The following NRXN1 variants were observed in gnomAD, a reference collection of about 807,000 sequenced individuals.
NRXN1 encodes the protein neurexin-1.
A neutral mutation model predicts 150.9 loss-of-function variants in NRXN1; 39 were observed. The ratio of observed to expected loss-of-function variants is 0.26; its 90% CI spans 0.20 to 0.34. The LOEUF (loss-of-function observed/expected upper bound fraction) is 0.34. Ranked by LOEUF, NRXN1 falls within the 10% of genes least tolerant of loss-of-function variation. NRXN1 has a pLI of 1.00. For missense variants in NRXN1, 1,815 were observed against 1,949.9 expected (o/e 0.93, Z 1.30); for synonymous variants, 924 against 757.0 (o/e 1.22, Z -3.62).
chr2:50,176,981 G>C (rs2060392016), intron 18 of NRXN1, among the ~76,000 whole-genome samples: 1 of 152,144 alleles, frequency 6.6e-6, no homozygotes, highest in Non-Finnish European at 1.5e-5. Context: ...AAAAGAAACA[G>C]TGGGAAAAAA....
At chr2:50,915,729 A>G (rs1372775376) in intron 5 of NRXN1, among the ~76,000 whole-genome samples, 1 of 151,354 alleles carries the variant, frequency 6.6e-6, no homozygotes, top group Non-Finnish European at 1.5e-5. Flanking sequence ...GGCAGATTAC[A>G]GATCAATCGT....
At chr2:50,899,128 G>T (rs1377354215) in intron 5 of NRXN1, among the ~76,000 whole-genome samples, 2 of 152,042 alleles carry the variant, frequency 1.3e-5, no homozygotes, top group Non-Finnish European at 2.9e-5. Flanking sequence ...TAAAATAAAT[G>T]AACGATATTC....
At chr2:50,779,538 G>A (rs370119745) in intron 5 of NRXN1, among the ~76,000 whole-genome samples, 1 of 152,166 alleles carries the variant, frequency 6.6e-6, no homozygotes, top group East Asian at 1.9e-4. Flanking sequence ...GGAGGCCAAG[G>A]CGGGTGGATC....
intron 18 of NRXN1, among the ~76,000 whole-genome samples, chr2:50,168,288 G>T (rs1281228662): frequency 6.6e-6 from 1 of 152,110 alleles, no homozygotes; most frequent in Non-Finnish European, 1.5e-5. Context: ...TGGCACAGTA[G>T]CATATTTTAG....
At chr2:50,259,368 T>C (rs2068026578) in intron 17 of NRXN1, among the ~76,000 whole-genome samples, 4 of 151,878 alleles carry the variant, frequency 2.6e-5, no homozygotes, top group Non-Finnish European at 4.4e-5. Context: ...TTCACTCAGA[T>C]AGGAAACATC....
chr2:50,449,981 T>C (rs2086811126), intron 17 of NRXN1, among the ~76,000 whole-genome samples: 1 of 152,238 alleles, frequency 6.6e-6, no homozygotes. Flanking sequence ...AGATGCCATG[T>C]GGCAGTCAGA....
intron 5 of NRXN1, among the ~76,000 whole-genome samples, chr2:50,891,137 T>C (rs754214456): frequency 6.6e-6 from 1 of 151,994 alleles, no homozygotes; most frequent in South Asian, 2.1e-4. Context: ...CTATTGATTG[T>C]TTAGAGAAAA....
chr2:50,155,998 T>C (rs941609064), intron 18 of NRXN1, among the ~76,000 whole-genome samples: 1 of 151,720 alleles, frequency 6.6e-6, no homozygotes, highest in African/African-American at 2.4e-5. Context: ...TTAATTCACA[T>C]GCAAATAAAT....
intron 5 of NRXN1, among the ~76,000 whole-genome samples, chr2:50,667,671 T>C (rs11900906): frequency 0.026 from 4,016 of 152,116 alleles, 181 homozygotes; most frequent in African/African-American, 0.091. Context: ...AAACGTTCTC[T>C]ATTGTTTCCC....
intron 19 of NRXN1, among the ~76,000 whole-genome samples, chr2:50,076,213 C>T (rs1697082924): frequency 6.6e-6 from 1 of 152,142 alleles, no homozygotes; most frequent in African/African-American, 2.4e-5. Flanking sequence ...TCAGGAGGAA[C>T]AATCTTAAGT....
chr2:50,909,861 A>G (rs1479346757), intron 5 of NRXN1, among the ~76,000 whole-genome samples: 2 of 151,974 alleles, frequency 1.3e-5, no homozygotes, highest in Non-Finnish European at 2.9e-5. Context: ...TATCTGATTT[A>G]TGCTAAAACT....
At chr2:50,231,539 C>A (rs1217230011) in intron 18 of NRXN1, among the ~76,000 whole-genome samples, 1 of 152,028 alleles carries the variant, frequency 6.6e-6, no homozygotes, top group African/African-American at 2.4e-5. Context: ...AGGCTTCCGG[C>A]CCAGCAAAGT....
At chr2:50,856,234 G>T in intron 5 of NRXN1, among the ~76,000 whole-genome samples, 1 of 151,912 alleles carries the variant, frequency 6.6e-6, no homozygotes, top group East Asian at 1.9e-4. Context: ...TAGGCAACAA[G>T]AGCTTTTAGA....
chr2:50,853,999 G>A (rs1310504602), intron 5 of NRXN1, among the ~76,000 whole-genome samples: 2 of 151,920 alleles, frequency 1.3e-5, no homozygotes, highest in Non-Finnish European at 2.9e-5. Context: ...TTTTCCCATT[G>A]AGTACAATTT....
Position 50,320,276 on chromosome 2 carries a change from C to T in NRXN1, c.3365-83306G>A, listed in dbSNP as rs1445086304. Among the ~76,000 whole-genome samples, 6 of 72,056 alleles carry T rather than the reference C, an allele frequency of 8.3e-5. No homozygotes were observed. The South Asian group carries it at 2.6e-3, about 31-fold the overall frequency. The allele number at this position is 72,056 out of a possible 152,430, so 47.3% of individuals were successfully genotyped here. A position where few individuals can be genotyped will look rare whatever the true frequency, so the allele number is the denominator to read the frequency against. ...AAAAAGGTATTCATTTATTCTTATACCTCAATCATATATATATATATATAT... is the reference window on the plus strand; with the variant it reads ...AAAAAGGTATTCATTTATTCTTATATCTCAATCATATATATATATATATAT... On this transcript the variant is annotated intron_variant, in intron 17 of 22. Transcript: ENST00000401669.
At chr2:50,319,396 C>T (rs1171573324) in intron 17 of NRXN1, among the ~76,000 whole-genome samples, 2 of 152,070 alleles carry the variant, frequency 1.3e-5, no homozygotes, top group African/African-American at 4.8e-5. Flanking sequence ...ATATACTGAT[C>T]ACAAGCTCCT....
At chr2:50,902,891 TAA>T (rs937181690) in intron 5 of NRXN1, among the ~76,000 whole-genome samples, 3 of 152,210 alleles carry the variant, frequency 2.0e-5, no homozygotes, top group African/African-American at 7.2e-5. Context: ...TATTATTCTA[TAA>T]GTTTACCTAA....
chr2:49,953,843 C>T (rs1209192516), intron 21 of NRXN1, among the ~76,000 whole-genome samples: 2 of 151,482 alleles, frequency 1.3e-5, no homozygotes, highest in Admixed American at 1.3e-4. Context: ...ACATCACACA[C>T]CACAGCCTGT....
chr2:50,526,556 T>G (rs1401890438), intron 12 of NRXN1: 2 of 152,216 alleles, frequency 1.3e-5, no homozygotes, highest in Admixed American at 6.5e-5. Context: ...TCACTGCTCA[T>G]TTAATCACTG....
Sources: gnomAD v4.1 joint callset for allele counts (sites outside exome capture counted in the v4.1 genomes callset) on GRCh38, gnomAD v4.1.1 for gene constraint, MANE v1.5 for transcripts, NCBI Gene and HGNC (gene_info 2026-07-23, HGNC 2026-07-21) for gene names.